The following RAET1E variants were observed in gnomAD, a reference collection of about 807,000 sequenced individuals.
RAET1E encodes the protein NKG2D ligand 4.
Under a neutral mutation model 21.1 loss-of-function variants are expected in RAET1E, and 27 were observed. The observed-to-expected ratio is 1.28, with a 90% confidence interval of 0.94 to 1.76. RAET1E has a LOEUF of 1.76. Ranked by LOEUF, RAET1E falls within the 40% of genes most tolerant of loss-of-function variation. RAET1E has a pLI of 0.00. For missense variants in RAET1E, 310 were observed against 311.3 expected, an observed-to-expected ratio of 1.00 and a Z score of 0.03; for synonymous variants, 113 against 115.0, an observed-to-expected ratio of 0.98 and a Z score of 0.11.
At chr6:149,893,382 A>AGTGGTTT (rs888080793) in intron 2 of RAET1E, among the ~76,000 whole-genome samples, 1 of 152,262 alleles carries the variant, frequency 6.6e-6, no homozygotes, top group Non-Finnish European at 1.5e-5. Context: ...TTCCTTGAGC[A>AGTGGTTT]GTGGTTTGTA....
At chr6:149,894,577 T>C (rs922204184) in intron 2 of RAET1E, among the ~76,000 whole-genome samples, 3 of 152,172 alleles carry the variant, frequency 2.0e-5, no homozygotes, top group African/African-American at 7.2e-5. Context: ...TGGCTATTGA[T>C]ACTTGAGTAT....
At chr6:149,888,876 A>G (rs1777745946) in intron 5 of RAET1E, among the ~76,000 whole-genome samples, 1 of 152,252 alleles carries the variant, frequency 6.6e-6, no homozygotes, top group Middle Eastern at 3.4e-3. Context: ...TCAGATTTCT[A>G]CTGAGAGAGG....
chr6:149,884,606 G>T lies in RAET1E; in HGVS notation c.*3892C>A. The T allele has an allele frequency of 1.0e-6, 1 of 1,004,950 alleles. No homozygotes were observed. Among genetic ancestry groups the T allele is most frequent in the Non-Finnish European group, 1.5e-6 (1 of 666,358 alleles). The allele number at this position is 1,004,950 out of a possible 1,614,324, so 62.3% of individuals were successfully genotyped here. The stretch of plus-strand genomic sequence containing the variant: ...ACTCAGATCCCACCTCTCTCTCAGG[G>T]AGAGATCAGCCGCTATTGTTCACAT... On this transcript the variant is annotated 3_prime_UTR_variant, in exon 6 of 6. Transcript: ENST00000357183.
chr6:149,892,734 C>G (rs1478958746), intron 2 of RAET1E, among the ~76,000 whole-genome samples: 2 of 152,160 alleles, frequency 1.3e-5, no homozygotes, highest in South Asian at 2.1e-4. Flanking sequence ...CCAATTTTGG[C>G]TTTTGTTGCC....
rs1336065167 is a variant in RAET1E at position 149,883,207 on chromosome 6, A to G, written c.*5291T>C. Among the ~76,000 whole-genome samples the G allele has an allele frequency of 6.6e-6, 1 of 152,220 alleles. No homozygotes were observed. The highest frequency in any genetic ancestry group is 1.5e-5 in the Non-Finnish European group (1 of 68,034). On this transcript the variant is annotated 3_prime_UTR_variant, in exon 6 of 6. Coordinates refer to ENST00000357183, the MANE Select transcript of RAET1E (RefSeq NM_001394057.1). Reference sequence around the variant, plus strand: ...AGTTGCAAATAAGTTTATAATTTGTAAAGATCTGATAAAAATTATCAGATG... The same window carrying G: ...AGTTGCAAATAAGTTTATAATTTGTGAAGATCTGATAAAAATTATCAGATG...
intron 2 of RAET1E, among the ~76,000 whole-genome samples, chr6:149,892,478 A>G (rs1194598723): frequency 6.6e-6 from 1 of 152,138 alleles, no homozygotes; most frequent in Non-Finnish European, 1.5e-5. Context: ...GCATTTTTTC[A>G]TATGTCTGTT....
In RAET1E at chr6:149,885,932, A is replaced by G. The variant is rs1423026208; in HGVS notation, c.*2566T>C. Among the ~76,000 whole-genome samples the G allele has an allele frequency of 6.6e-6, 1 of 152,240 alleles. No homozygotes were observed. Among genetic ancestry groups the G allele is most frequent in the African/African-American group, 2.4e-5 (1 of 41,464 alleles). On this transcript the variant is annotated 3_prime_UTR_variant, in exon 6 of 6. Coordinates refer to ENST00000357183, the MANE Select transcript of RAET1E (RefSeq NM_001394057.1). ...ACAATGTGATAATTTTTCTGTGGTC[A>G]GAGTTTCTGAGCTACGAGTGGGGGT... is the stretch of plus-strand genomic sequence containing the variant.
At position 149,883,694 on chromosome 6, in the gene RAET1E, CTCAA is replaced by C. The variant is rs1777493328; in HGVS notation, c.*4800_*4803del. On this transcript the variant is annotated 3_prime_UTR_variant, in exon 6 of 6. Coordinates refer to ENST00000357183, the MANE Select transcript of RAET1E (RefSeq NM_001394057.1). ...CCTGGGAGATAGAGTGAGACTCTGT[CTCAA>C]AAAAACAAACAAACAAACAAAGAAT... 6.5e-6 allele frequency: 1 copy of C among 153,874 alleles called. No individual in the cohort carries two copies. Among genetic ancestry groups the C allele is most frequent in the South Asian group, 2.0e-4 (1 of 4,934 alleles). The allele number at this position is 153,874 out of a possible 1,614,324, so 9.5% of individuals were successfully genotyped here. A position where few individuals can be genotyped will look rare whatever the true frequency, so the allele number is the denominator to read the frequency against.
At position 149,885,082 on chromosome 6, in the gene RAET1E, C is replaced by T. The variant is rs548913938; in HGVS notation, c.*3416G>A. Reference sequence around the variant, plus strand: ...TCCTCCTAGGAATTAAACCTAGAGACCCCTCAACCTTTGGCATGTGATATA... The same window carrying T: ...TCCTCCTAGGAATTAAACCTAGAGATCCCTCAACCTTTGGCATGTGATATA... On this transcript the variant is annotated 3_prime_UTR_variant, in exon 6 of 6. Transcript: ENST00000357183. Among the ~76,000 whole-genome samples the T allele has an allele frequency of 9.2e-5, 14 of 152,298 alleles. No individual in the cohort carries two copies. The highest frequency in any genetic ancestry group is 3.1e-4 in the African/African-American group (13 of 41,546).
intron 2 of RAET1E, chr6:149,895,473 A>T (rs1778079283): frequency 6.6e-6 from 1 of 152,274 alleles, no homozygotes; most frequent in Non-Finnish European, 1.5e-5. Flanking sequence ...ACTTCCCAGC[A>T]GTTTTGTTTA....
chr6:149,897,178 A>G (rs77174852), intron 1 of RAET1E, among the ~76,000 whole-genome samples: 12,222 of 152,180 alleles, frequency 0.08, 1,655 homozygotes, highest in African/African-American at 0.28. Context: ...CACTACAGGC[A>G]TGAGCCACCA....
intron 2 of RAET1E, 166 bp downstream of exon 2, chr6:149,895,680 A>C (rs1003017773): frequency 2.6e-5 from 4 of 152,226 alleles, no homozygotes; most frequent in African/African-American, 9.6e-5. Flanking sequence ...TGTCATTTTC[A>C]AATAAAGCAC....
intron 2 of RAET1E, among the ~76,000 whole-genome samples, chr6:149,892,652 GGT>G (rs1320758740): frequency 6.6e-6 from 1 of 152,114 alleles, no homozygotes; most frequent in Non-Finnish European, 1.5e-5. Context: ...CCATTCTGTA[GGT>G]GGCCTGTTCA....
intron 4 of RAET1E, 42 bp downstream of exon 4, chr6:149,889,843 C>T: frequency 6.3e-7 from 1 of 1,598,602 alleles, no homozygotes; most frequent in Non-Finnish European, 8.5e-7. Flanking sequence ...CCTCCCCTCT[C>T]TTACTGCCTG....
rs374490960 is a variant in RAET1E, at chr6:149,884,418, C to A, written c.*4080G>T. On this transcript the variant is annotated 3_prime_UTR_variant, in exon 6 of 6. Transcript: ENST00000357183. ...TCCACTTGACTCAGGGAACACACAG[C>A]AGTGGGAGCCAAGGCTGTCAGCGAT... The A allele has an allele frequency of 1.1e-4, 159 of 1,418,392 alleles. 1 individual carries two copies. In the South Asian group the frequency reaches 1.8e-3, roughly 16 times the overall value. 87.9% of individuals were successfully genotyped at this position (1,418,392 alleles called of 1,614,324 possible).
intron 2 of RAET1E, among the ~76,000 whole-genome samples, chr6:149,892,215 A>G (rs1329772079): frequency 6.6e-6 from 1 of 152,236 alleles, no homozygotes; most frequent in Non-Finnish European, 1.5e-5. Context: ...TCCTTTGGGT[A>G]TATACCCAGT....
chr6:149,894,146 A>AT (rs1361422392), intron 2 of RAET1E, among the ~76,000 whole-genome samples: 1 of 142,694 alleles, frequency 7.0e-6, no homozygotes, highest in Non-Finnish European at 1.6e-5. Flanking sequence ...TTGGCCTGAA[A>AT]TTTTATTTTT....
chr6:149,893,721 A>G (rs888191008), intron 2 of RAET1E, among the ~76,000 whole-genome samples: 1 of 152,208 alleles, frequency 6.6e-6, no homozygotes, highest in African/African-American at 2.4e-5. Context: ...TGCCCTGGCC[A>G]GAAGTTCCAA....
chr6:149,890,865 G>A lies in RAET1E; in HGVS notation c.37C>T (p.Leu13Phe). 1 of 1,613,806 alleles carries A rather than the reference G, an allele frequency of 6.2e-7. No individual in the cohort carries two copies. The highest frequency in any genetic ancestry group is 8.5e-7 in the Non-Finnish European group (1 of 1,179,738). Residue 13 changes from leucine to phenylalanine, a missense_variant, in exon 3 of 6, where the codon CTT becomes TTT. Coordinates refer to ENST00000357183, the MANE Select transcript of RAET1E (RefSeq NM_001394057.1). Reference sequence around the variant, plus strand: ...AGTAGCAACAGCAGAAACAAAAGAAGGCGCACAGGGCTAGAAGTCAGGGAT... The same window carrying A: ...AGTAGCAACAGCAGAAACAAAAGAAAGCGCACAGGGCTAGAAGTCAGGGAT... ...RISLTSSPVR[L>F]LLFLLLLLIA...
Sources: gnomAD v4.1 joint callset for allele counts (sites outside exome capture counted in the v4.1 genomes callset) on GRCh38, gnomAD v4.1.1 for gene constraint, MANE v1.5 for transcripts, NCBI Gene and HGNC (gene_info 2026-07-23, HGNC 2026-07-21) for gene names.